The following DMD variants were observed in gnomAD, a reference collection of about 807,000 sequenced individuals.
DMD encodes the protein dystrophin, also known as mutant dystrophin.
DMD carries 63 observed loss-of-function variants against 330.1 expected under a neutral mutation model. That is an observed-to-expected ratio of 0.19 (90% CI 0.16 to 0.24). The LOEUF is 0.24. DMD is among the 10% of genes least tolerant of loss of function. DMD has a pLI of 1.00. For missense variants in DMD, 3,344 were observed against 2,684.1 expected (o/e 1.25, Z -5.43); for synonymous variants, 1,223 against 959.8 (o/e 1.27, Z -5.07).
At chrX:31,343,867 A>G (rs1400900736) in intron 61 of DMD, among the ~76,000 whole-genome samples, 3 of 111,337 alleles carry the variant, frequency 2.7e-5, no homozygotes, top group Admixed American at 9.7e-5. Context: ...AATTCATTTA[A>G]TATGACCTTA....
chrX:33,219,900 C>T (rs996547587), intron 1 of DMD, among the ~76,000 whole-genome samples: 1 of 110,561 alleles, frequency 9.0e-6, no homozygotes, highest in Non-Finnish European at 1.9e-5. Flanking sequence ...GATAATAATT[C>T]GGTGAAAGAA....
At chrX:32,264,792 G>C (rs1283722741) in intron 43 of DMD, among the ~76,000 whole-genome samples, 3 of 111,787 alleles carry the variant, frequency 2.7e-5, no homozygotes, top group African/African-American at 9.8e-5. Context: ...GAACATGAGA[G>C]AGATGATTTA....
chrX:32,340,996 G>A (rs1321548625), intron 41 of DMD, among the ~76,000 whole-genome samples: 2 of 111,847 alleles, frequency 1.8e-5, no homozygotes, highest in East Asian at 5.6e-4. Context: ...ATTAAAAGAA[G>A]TCACAATAAT....
At chrX:32,836,006 T>G (rs2079584004) in intron 4 of DMD, among the ~76,000 whole-genome samples, 1 of 110,033 alleles carries the variant, frequency 9.1e-6, no homozygotes, top group African/African-American at 3.3e-5. Context: ...TCTTGGTGTG[T>G]GGACAAACTT....
intron 44 of DMD, among the ~76,000 whole-genome samples, chrX:32,143,897 T>C (rs2096766178): frequency 9.1e-6 from 1 of 109,953 alleles, no homozygotes; most frequent in South Asian, 3.9e-4. Context: ...CTGAAGACTG[T>C]CATTCACTAA....
chrX:32,775,816 A>G (rs768004763), intron 7 of DMD, among the ~76,000 whole-genome samples: 1 of 112,940 alleles, frequency 8.9e-6, no homozygotes, highest in Admixed American at 9.3e-5. Context: ...TTACTTATGC[A>G]AATTTCTGCA....
At chrX:32,929,887 T>C (rs1327903299) in intron 2 of DMD, among the ~76,000 whole-genome samples, 1 of 111,878 alleles carries the variant, frequency 8.9e-6, no homozygotes, top group Non-Finnish European at 1.9e-5. Flanking sequence ...GCAAAGGACA[T>C]AAACTCATAA....
chrX:31,897,485 G>A (rs1318301589), intron 47 of DMD, among the ~76,000 whole-genome samples: 1 of 98,506 alleles, frequency 1.0e-5, no homozygotes, highest in Non-Finnish European at 2.0e-5. Flanking sequence ...CTAGATCCCT[G>A]AGGAATCGCC....
rs1021286179 is a variant in DMD at position 32,726,497 on chromosome X, G to A, written c.650-27204C>T. Among the ~76,000 whole-genome samples the A allele has an allele frequency of 3.0e-4, 33 of 110,608 alleles. No individual in the cohort carries two copies. The Middle Eastern group carries it at 0.014, about 47-fold the overall frequency. ...TTGGATCTTAAGGCATAAAAATACA[G>A]CTATTATAATAAAATATTTTACTCT... On this transcript the variant is annotated intron_variant, in intron 7 of 78. Transcript: ENST00000357033.
chrX:31,124,132 T>C (rs1048245393), intron 78 of DMD, among the ~76,000 whole-genome samples: 1 of 111,836 alleles, frequency 8.9e-6, no homozygotes, highest in African/African-American at 3.2e-5. Flanking sequence ...CGACAAAAAG[T>C]TGGGTGGCCT....
chrX:33,032,946 A>T (rs2094140118), intron 1 of DMD, among the ~76,000 whole-genome samples: 1 of 112,216 alleles, frequency 8.9e-6, no homozygotes, highest in Non-Finnish European at 1.9e-5. Context: ...TGAAGGCCAA[A>T]CATGTTTTCA....
At chrX:31,877,553 T>C (rs770084896) in intron 47 of DMD, among the ~76,000 whole-genome samples, 2 of 111,664 alleles carry the variant, frequency 1.8e-5, no homozygotes, top group African/African-American at 6.5e-5. Flanking sequence ...AAAAGAAGCA[T>C]TGTGTTTCAG....
At chrX:31,903,230 C>T (rs951713512) in intron 47 of DMD, among the ~76,000 whole-genome samples, 1 of 111,313 alleles carries the variant, frequency 9.0e-6, no homozygotes, top group Admixed American at 9.6e-5. Context: ...TTTTTTCATA[C>T]TTAGGTTTTG....
At chrX:32,799,002 C>A (rs892460598) in intron 7 of DMD, among the ~76,000 whole-genome samples, 6 of 111,251 alleles carry the variant, frequency 5.4e-5, no homozygotes, top group Non-Finnish European at 1.1e-4. Context: ...CAATTGATAT[C>A]AAACCCAACA....
At chrX:32,244,796 T>C (rs1485940144) in intron 43 of DMD, among the ~76,000 whole-genome samples, 1 of 68,586 alleles carries the variant, frequency 1.5e-5, no homozygotes, top group Non-Finnish European at 2.8e-5. Context: ...TCGCTCACTT[T>C]TTGATGGGGT....
In DMD at chrX:32,545,145, T is replaced by C; in HGVS notation, c.2168+14A>G. 8.3e-7 allele frequency: 1 copy of C among 1,202,138 alleles called. No homozygotes were observed. Among genetic ancestry groups the C allele is most frequent in the Non-Finnish European group, 1.1e-6 (1 of 887,148 alleles). The stretch of plus-strand genomic sequence containing the variant: ...TCCACTTCATTTGCAGATAAAAGCT[T>C]AAGATGCTCTCACCTTTTCCTAATT... On this transcript the variant is annotated intron_variant, in intron 17 of 78. Coordinates refer to ENST00000357033, the MANE Select transcript of DMD (RefSeq NM_004006.3).
chrX:32,719,509 T>A (rs1404695601), intron 7 of DMD, among the ~76,000 whole-genome samples: 1 of 111,715 alleles, frequency 9.0e-6, no homozygotes, highest in Non-Finnish European at 1.9e-5. Flanking sequence ...TTGTACTAAA[T>A]AAAAGAGAAA....
intron 43 of DMD, among the ~76,000 whole-genome samples, chrX:32,281,067 G>C (rs185798237): frequency 7.1e-5 from 8 of 112,051 alleles, no homozygotes; most frequent in Admixed American, 3.8e-4. Flanking sequence ...ACAAATGGCA[G>C]CCAGAGCCTG....
intron 43 of DMD, among the ~76,000 whole-genome samples, chrX:32,222,773 G>A (rs1352615167): frequency 8.9e-6 from 1 of 111,756 alleles, no homozygotes; most frequent in Non-Finnish European, 1.9e-5. Context: ...ATTCCTTCTT[G>A]AGAAATTACC....
Sources: allele counts gnomAD v4.1 joint callset (sites outside exome capture counted in the v4.1 genomes callset), GRCh38; gene constraint gnomAD v4.1.1; transcripts MANE v1.5; gene names NCBI Gene and HGNC (gene_info 2026-07-23, HGNC 2026-07-21).